The following GRID2 variants were observed in gnomAD, a reference collection of about 807,000 sequenced individuals.
GRID2 encodes glutamate receptor ionotropic, delta-2.
In GRID2, 33 loss-of-function variants were observed where a neutral mutation model predicts 114.8. The observed-to-expected ratio is 0.29, with a 90% CI of 0.22 to 0.38. The LOEUF (loss-of-function observed/expected upper bound fraction) is 0.38, where lower values mean the gene tolerates loss of function less well. GRID2 is among the 10% of genes least tolerant of loss of function. The pLI is 1.00. For missense variants in GRID2, 1,184 were observed against 1,257.7 expected (o/e 0.94, Z 0.89); for synonymous variants, 505 against 449.9 (o/e 1.12, Z -1.55).
intron 1 of GRID2, among the ~76,000 whole-genome samples, chr4:92,411,618 T>G (rs1207485385): frequency 3.5e-5 from 5 of 141,702 alleles, no homozygotes; most frequent in Non-Finnish European, 6.1e-5. Flanking sequence ...TATATAGATA[T>G]ATATGCATGT....
At chr4:93,002,261 T>A (rs1005288775) in intron 2 of GRID2, among the ~76,000 whole-genome samples, 8 of 151,798 alleles carry the variant, frequency 5.3e-5, no homozygotes, top group Non-Finnish European at 1.0e-4. Context: ...TGGAAAAAAT[T>A]AATTTTAGTA....
At chr4:93,247,948 A>C (rs1251992726) in intron 8 of GRID2, among the ~76,000 whole-genome samples, 1 of 152,046 alleles carries the variant, frequency 6.6e-6, no homozygotes, top group Non-Finnish European at 1.5e-5. Context: ...TGTAGTCCAC[A>C]TGCTTAGGAT....
At chr4:92,842,390 A>T (rs916649839) in intron 2 of GRID2, among the ~76,000 whole-genome samples, 1 of 152,188 alleles carries the variant, frequency 6.6e-6, no homozygotes, top group African/African-American at 2.4e-5. Flanking sequence ...GTAGTTATTT[A>T]CATCATTAAT....
chr4:93,120,061 A>G (rs1733636994), intron 4 of GRID2, among the ~76,000 whole-genome samples: 2 of 152,204 alleles, frequency 1.3e-5, no homozygotes, highest in Admixed American at 1.3e-4. Context: ...ATCTCATGCC[A>G]GTTAGAATGG....
At chr4:93,184,014 C>T (rs767415673) in intron 4 of GRID2, among the ~76,000 whole-genome samples, 9 of 152,134 alleles carry the variant, frequency 5.9e-5, no homozygotes, top group South Asian at 4.2e-4. Flanking sequence ...TGCTGTAGGG[C>T]GATTAGAAAA....
At chr4:92,608,222 C>G (rs912661081) in intron 2 of GRID2, among the ~76,000 whole-genome samples, 1 of 151,778 alleles carries the variant, frequency 6.6e-6, no homozygotes, top group Non-Finnish European at 1.5e-5. Context: ...AAGGACACCT[C>G]TTTCCCAAAC....
chr4:92,916,280 G>A (rs1406226356), intron 2 of GRID2, among the ~76,000 whole-genome samples: 1 of 152,020 alleles, frequency 6.6e-6, no homozygotes, highest in Non-Finnish European at 1.5e-5. Context: ...TCAATATTCT[G>A]CATATGGCTA....
chr4:92,675,967 C>T (rs1367432622), intron 2 of GRID2, among the ~76,000 whole-genome samples: 1 of 152,004 alleles, frequency 6.6e-6, no homozygotes, highest in Non-Finnish European at 1.5e-5. Flanking sequence ...CAGCCCTACG[C>T]TATATGTTAT....
chr4:93,236,460 C>T (rs542021906), intron 7 of GRID2, among the ~76,000 whole-genome samples: 3 of 151,910 alleles, frequency 2.0e-5, no homozygotes, highest in African/African-American at 4.8e-5. Context: ...CATTTTTACC[C>T]GAGAAAATGT....
chr4:93,092,278 C>T (rs867407324), intron 3 of GRID2, among the ~76,000 whole-genome samples: 4 of 152,040 alleles, frequency 2.6e-5, no homozygotes, highest in Admixed American at 6.6e-5. Context: ...GAAAACATGA[C>T]GCAGATTAAT....
Position 93,741,200 on chromosome 4 carries a change from T to TATATATAC in GRID2, c.2361-28010_2361-28009insATATATAC, listed in dbSNP as rs1731383747. 1.1e-4 allele frequency among the ~76,000 whole-genome samples: 3 copies of TATATATAC among 27,810 alleles called. No homozygotes were observed. The Admixed American group carries it at 1.4e-3, about 13-fold the overall frequency. The allele number at this position is 27,810 out of a possible 152,430, so 18.2% of individuals were successfully genotyped here. On this transcript the variant is annotated intron_variant, in intron 14 of 15. Coordinates refer to ENST00000282020, the MANE Select transcript of GRID2 (RefSeq NM_001510.4). ...ATATATATATATATATATATATATA[T>TATATATAC]GTATATATATATATATTCTCAGACT...
chr4:92,811,098 T>G (rs376221878), intron 2 of GRID2, among the ~76,000 whole-genome samples: 202 of 152,264 alleles, frequency 1.3e-3, no homozygotes, highest in Middle Eastern at 6.8e-3. Flanking sequence ...TCAAGATTTT[T>G]AGTTCACCTG....
chr4:92,575,922 C>A (rs1385307734), intron 1 of GRID2, among the ~76,000 whole-genome samples: 2 of 152,116 alleles, frequency 1.3e-5, no homozygotes, highest in Admixed American at 6.5e-5. Flanking sequence ...GGAGGACCCT[C>A]CCATGAGAAG....
At chr4:93,675,282 A>G (rs972055658) in intron 14 of GRID2, among the ~76,000 whole-genome samples, 3 of 152,102 alleles carry the variant, frequency 2.0e-5, no homozygotes, top group African/African-American at 7.2e-5. Context: ...AATAACTAAA[A>G]TTATATCCAC....
intron 13 of GRID2, among the ~76,000 whole-genome samples, chr4:93,548,323 A>G (rs138566844): frequency 1.4e-4 from 22 of 152,374 alleles, no homozygotes; most frequent in African/African-American, 5.0e-4. Context: ...AGAAGTACAT[A>G]CTAGAAAATG....
chr4:92,884,800 A>C (rs1044480819), intron 2 of GRID2: 42 of 328,122 alleles, frequency 1.3e-4, no homozygotes, highest in African/African-American at 7.5e-4. Flanking sequence ...TGCTATTTAA[A>C]AATTTCATGT....
At chr4:93,150,286 T>C (rs1736618771) in intron 4 of GRID2, among the ~76,000 whole-genome samples, 1 of 152,144 alleles carries the variant, frequency 6.6e-6, no homozygotes, top group Non-Finnish European at 1.5e-5. Flanking sequence ...AGTATCAGGC[T>C]CTAGTACAGA....
chr4:93,795,497 C>T (rs1392938562), intron 1 of GRID2, among the ~76,000 whole-genome samples: 1 of 151,804 alleles, frequency 6.6e-6, no homozygotes, highest in Admixed American at 6.6e-5. Context: ...AGAACATGGT[C>T]CTTCAATTTA....
At chr4:92,457,294 T>C (rs1211299269) in intron 1 of GRID2, among the ~76,000 whole-genome samples, 1 of 152,180 alleles carries the variant, frequency 6.6e-6, no homozygotes, top group Non-Finnish European at 1.5e-5. Context: ...ACATTAGTTA[T>C]GCTGTTTTTA....
Sources: gnomAD v4.1 joint callset for allele counts (sites outside exome capture counted in the v4.1 genomes callset) on GRCh38, gnomAD v4.1.1 for gene constraint, MANE v1.5 for transcripts, NCBI Gene and HGNC (gene_info 2026-07-23, HGNC 2026-07-21) for gene names.